Variants in EEFSEC observed in about 807,000 individuals in gnomAD.
EEFSEC encodes the protein selenocysteine-specific elongation factor.
EEFSEC carries 43 observed loss-of-function variants against 42.1 expected under a neutral mutation model. That is an observed-to-expected ratio of 1.02 (90% CI 0.80 to 1.32). The LOEUF (loss-of-function observed/expected upper bound fraction) is 1.32, where lower values mean the gene tolerates loss of function less well. Ranked by LOEUF, EEFSEC falls within the 40% of genes most tolerant of loss-of-function variation. The pLI is 0.00. For synonymous variants in EEFSEC, 354 were observed against 339.1 expected, an observed-to-expected ratio of 1.04 and a Z score of -0.48; for missense variants, 745 against 803.6, an observed-to-expected ratio of 0.93 and a Z score of 0.88.
chr3:128,382,381 G>A (rs2067786626), intron 6 of EEFSEC, among the ~76,000 whole-genome samples: 1 of 152,194 alleles, frequency 6.6e-6, no homozygotes, highest in African/African-American at 2.4e-5. Flanking sequence ...TGCGCCCAGC[G>A]GACACGGCAC....
intron 6 of EEFSEC, among the ~76,000 whole-genome samples, chr3:128,398,841 C>A (rs942741348): frequency 3.4e-5 from 5 of 147,814 alleles, no homozygotes; most frequent in African/African-American, 1.3e-4. Context: ...CACAGCCACT[C>A]CACAGGGTGG....
At chr3:128,370,383 C>T (rs917429258) in intron 6 of EEFSEC, among the ~76,000 whole-genome samples, 9 of 152,116 alleles carry the variant, frequency 5.9e-5, no homozygotes, top group African/African-American at 1.9e-4. Context: ...CACTCACCAC[C>T]GGTATCATAG....
At position 128,163,005 on chromosome 3, in the gene EEFSEC, G is replaced by C. The variant is rs146688288; in HGVS notation, c.316+9182G>C. 3.5e-3 allele frequency among the ~76,000 whole-genome samples: 527 copies of C among 152,246 alleles called. 3 individuals carry two copies. Among genetic ancestry groups the C allele is most frequent in the Non-Finnish European group, 6.0e-3 (407 of 68,014 alleles). ...CCAGGTTGGAATAGGATTCGGGCAG[G>C]CATCCCAGGAAACAACCCATAAATT... On this transcript the variant is annotated intron_variant, in intron 1 of 6. Transcript: ENST00000254730.
chr3:128,397,130 AAAC>A (rs1202138515), intron 6 of EEFSEC, among the ~76,000 whole-genome samples: 1 of 152,198 alleles, frequency 6.6e-6, no homozygotes, highest in African/African-American at 2.4e-5. Flanking sequence ...GGGTGGGAAG[AAAC>A]ATCATTCTGG....
intron 1 of EEFSEC, among the ~76,000 whole-genome samples, chr3:128,186,133 G>T (rs1382482317): frequency 6.6e-6 from 1 of 152,168 alleles, no homozygotes; most frequent in East Asian, 1.9e-4. Context: ...ATCCATCCTA[G>T]TGGGTGTGAA....
chr3:128,272,204 C>G (rs2066420880), intron 4 of EEFSEC, among the ~76,000 whole-genome samples: 1 of 152,204 alleles, frequency 6.6e-6, no homozygotes, highest in Non-Finnish European at 1.5e-5. Flanking sequence ...CCTTCAAATC[C>G]AAGATGCAGT....
chr3:128,391,198 G>C (rs535677396), intron 6 of EEFSEC, among the ~76,000 whole-genome samples: 1 of 152,372 alleles, frequency 6.6e-6, no homozygotes, highest in East Asian at 1.9e-4. Flanking sequence ...TCCCTGGCCT[G>C]GGTCAGCCAT....
chr3:128,345,944 A>G (rs1302206122), intron 5 of EEFSEC, among the ~76,000 whole-genome samples: 1 of 152,156 alleles, frequency 6.6e-6, no homozygotes, highest in Non-Finnish European at 1.5e-5. Flanking sequence ...AGGGGAGGCT[A>G]GTAGTGAACA....
intron 1 of EEFSEC, among the ~76,000 whole-genome samples, chr3:128,222,535 C>T (rs2065871381): frequency 6.6e-6 from 1 of 152,166 alleles, no homozygotes; most frequent in South Asian, 2.1e-4. Flanking sequence ...GAGCCTTCTT[C>T]TATACCATAA....
chr3:128,205,031 C>T (rs562225551), intron 1 of EEFSEC, among the ~76,000 whole-genome samples: 25 of 152,260 alleles, frequency 1.6e-4, no homozygotes, highest in Admixed American at 3.3e-4. Flanking sequence ...AGATTTGATT[C>T]ACTGTTTACT....
chr3:128,294,671 G>A (rs2066682974), intron 4 of EEFSEC, among the ~76,000 whole-genome samples: 2 of 152,172 alleles, frequency 1.3e-5, no homozygotes, highest in Non-Finnish European at 2.9e-5. Context: ...GGAGGGTCTG[G>A]TTGGCTTTCT....
chr3:128,345,885 G>T (rs1420132327), intron 5 of EEFSEC, among the ~76,000 whole-genome samples: 1 of 152,218 alleles, frequency 6.6e-6, no homozygotes, highest in Non-Finnish European at 1.5e-5. Flanking sequence ...TCCTACGTTT[G>T]TGCCAGGCAC....
downstream of EEFSEC, among the ~76,000 whole-genome samples, chr3:128,409,636 C>T (rs2068159885): frequency 6.6e-6 from 1 of 152,194 alleles, no homozygotes; most frequent in Admixed American, 6.5e-5. Flanking sequence ...AGAGTGTGGC[C>T]CCGGTGAGCG....
chr3:128,211,848 CTTTTTTTT>C (rs34885945), intron 1 of EEFSEC, among the ~76,000 whole-genome samples: 4 of 51,694 alleles, frequency 7.7e-5, no homozygotes, highest in South Asian at 1.2e-3. Flanking sequence ...TTTTTCTTTT[CTTTTTTTT>C]TTTTTTTTTT....
At chr3:128,371,104 T>G (rs1411925258) in intron 6 of EEFSEC, among the ~76,000 whole-genome samples, 2 of 152,024 alleles carry the variant, frequency 1.3e-5, no homozygotes, top group Non-Finnish European at 2.9e-5. Flanking sequence ...ATGATGGTTT[T>G]GGAGCAGTTT....
At chr3:128,424,586 T>C in the EEFSEC span, among the ~76,000 whole-genome samples, 1 of 152,106 alleles carries the variant, frequency 6.6e-6, no homozygotes, top group African/African-American at 2.4e-5. Flanking sequence ...GGTCTCACTA[T>C]GTTCCCCAGG....
the EEFSEC span, among the ~76,000 whole-genome samples, chr3:128,421,048 C>A: frequency 2.6e-5 from 4 of 152,158 alleles, no homozygotes; most frequent in African/African-American, 9.6e-5. Flanking sequence ...ATGAGCCCAC[C>A]CCATCCTGGG....
chr3:128,373,823 A>G (rs924061684), intron 6 of EEFSEC, among the ~76,000 whole-genome samples: 1 of 152,198 alleles, frequency 6.6e-6, no homozygotes, highest in East Asian at 1.9e-4. Flanking sequence ...ATTCTCACCC[A>G]TAAAATTTCA....
chr3:128,383,322 TA>T (rs2067798974), intron 6 of EEFSEC, among the ~76,000 whole-genome samples: 1 of 152,138 alleles, frequency 6.6e-6, no homozygotes, highest in South Asian at 2.1e-4. Flanking sequence ...GCTCCGTGAA[TA>T]TGGGGAAGGT....
Sources: gnomAD v4.1 joint callset for allele counts (sites outside exome capture counted in the v4.1 genomes callset) on GRCh38, gnomAD v4.1.1 for gene constraint, MANE v1.5 for transcripts, NCBI Gene and HGNC (gene_info 2026-07-23, HGNC 2026-07-21) for gene names.